CCDC146: variants seen among roughly 807,000 people sequenced by gnomAD.
CCDC146 encodes coiled-coil domain-containing protein 146.
In CCDC146, 92 loss-of-function variants were observed where a neutral mutation model predicts 119.3. That is an observed-to-expected ratio of 0.77 (90% CI 0.65 to 0.92). The LOEUF (loss-of-function observed/expected upper bound fraction) is 0.92, where lower values mean the gene tolerates loss of function less well. Ranked by LOEUF, CCDC146 falls within the 40% of genes least tolerant of loss-of-function variation. CCDC146 has a pLI of 0.00. For synonymous variants in CCDC146, 372 were observed against 371.8 expected (o/e 1.00, Z -0.01); for missense variants, 1,000 against 1,103.0 (o/e 0.91, Z 1.32).
At position 77,227,122 on chromosome 7, in the gene CCDC146, A is replaced by G. The variant is rs576708377; in HGVS notation, c.157-9825A>G. Among the ~76,000 whole-genome samples, 4 of 152,346 alleles carry G rather than the reference A, an allele frequency of 2.6e-5. No individual in the cohort carries two copies. The East Asian group carries it at 7.7e-4, about 29-fold the overall frequency. ...TCCAATTTATGTAGAAACTGCAAGA[A>G]CATATTCAGGTGTTTTACCCTGTCA... On this transcript the variant is annotated intron_variant, in intron 2 of 18. Coordinates refer to ENST00000285871, the MANE Select transcript of CCDC146 (RefSeq NM_020879.3).
At chr7:77,186,268 G>T (rs559881783) in intron 2 of CCDC146, among the ~76,000 whole-genome samples, 1 of 152,036 alleles carries the variant, frequency 6.6e-6, no homozygotes, top group Admixed American at 6.6e-5. Context: ...AATGAATAAA[G>T]AAAATGTAGT....
intron 1 of CCDC146, among the ~76,000 whole-genome samples, chr7:77,143,165 G>T (rs1212800703): frequency 6.6e-6 from 1 of 151,874 alleles, no homozygotes; most frequent in Non-Finnish European, 1.5e-5. Context: ...CTGATGGCCA[G>T]TGATGAAGAG....
intron 1 of CCDC146, among the ~76,000 whole-genome samples, chr7:77,152,327 C>A (rs1791119087): frequency 6.6e-6 from 1 of 152,056 alleles, no homozygotes; most frequent in South Asian, 2.1e-4. Flanking sequence ...GAGCCATTAC[C>A]TTCAAAGGAA....
In CCDC146 at chr7:77,295,137, C is replaced by T. The variant is rs1133058; in HGVS notation, c.*271C>T. 28,664 of 319,248 alleles carry T rather than the reference C, an allele frequency of 0.09. 1,629 individuals carry two copies. The highest frequency in any genetic ancestry group is 0.11 in the Non-Finnish European group (19,239 of 172,170). The allele number at this position is 319,248 out of a possible 1,614,324, so 19.8% of individuals were successfully genotyped here. A position where few individuals can be genotyped will look rare whatever the true frequency, so the allele number is the denominator to read the frequency against. ...TCTTTTTCACTCTTTATATTGAGTACATTCCAGAAATTTGTAGTAGGCAAG... is the reference window on the plus strand; with the variant it reads ...TCTTTTTCACTCTTTATATTGAGTATATTCCAGAAATTTGTAGTAGGCAAG... On this transcript the variant is annotated 3_prime_UTR_variant, in exon 19 of 19. Coordinates refer to ENST00000285871, the MANE Select transcript of CCDC146 (RefSeq NM_020879.3).
At chr7:77,199,861 C>CT (rs1791954099) in intron 2 of CCDC146, 1 of 1,522,754 alleles carries the variant, frequency 6.6e-7, no homozygotes, top group African/African-American at 1.4e-5. Flanking sequence ...CGGCAGCTGC[C>CT]TGAGTCAGGC....
intron 2 of CCDC146, among the ~76,000 whole-genome samples, chr7:77,203,481 G>A (rs887456935): frequency 1.3e-5 from 2 of 152,060 alleles, no homozygotes; most frequent in African/African-American, 4.8e-5. Flanking sequence ...TCAAAAAGAT[G>A]GTCAAAGAAA....
intron 18 of CCDC146, 83 bp from the exon 19 acceptor site, chr7:77,294,580 C>A: frequency 7.4e-7 from 1 of 1,346,016 alleles, no homozygotes; most frequent in Non-Finnish European, 1.1e-6. Flanking sequence ...CTGTCCAGAC[C>A]AGCTGTGTCT....
chr7:77,212,788 GA>G (rs1416044729), intron 2 of CCDC146, among the ~76,000 whole-genome samples: 1 of 152,048 alleles, frequency 6.6e-6, no homozygotes, highest in Admixed American at 6.5e-5. Context: ...TACATGGCAA[GA>G]GGTAAGGTAA....
intron 2 of CCDC146, among the ~76,000 whole-genome samples, chr7:77,211,706 C>T (rs1792188158): frequency 6.6e-6 from 1 of 152,098 alleles, no homozygotes; most frequent in East Asian, 1.9e-4. Flanking sequence ...ACCTCCACCT[C>T]CTGGATTCAA....
At position 77,282,656 on chromosome 7, in the gene CCDC146, T is replaced by G. The variant is rs1793784832; in HGVS notation, c.2019T>G (p.His673Gln). The G allele has an allele frequency of 1.2e-6, 2 of 1,612,284 alleles. No homozygotes were observed. Among genetic ancestry groups the G allele is most frequent in the South Asian group, 2.2e-5 (2 of 91,048 alleles). ...KMKLNGEIEI[H>Q]LLEEKIQFLK... ...AACTAAATGGAGAAATTGAAATACATCTACTGGAAGAAAAGATCCAATTCC... is the reference window on the plus strand; with the variant it reads ...AACTAAATGGAGAAATTGAAATACAGCTACTGGAAGAAAAGATCCAATTCC... The change falls in exon 15 of 19, where the codon CAT becomes CAG. Residue 673 changes from histidine (H) to glutamine (Q), a missense_variant. By Grantham distance (24) the His-to-Gln change is conservative. Transcript: ENST00000285871.
At chr7:77,240,178 A>G (rs17161075) in intron 3 of CCDC146, among the ~76,000 whole-genome samples, 5,846 of 152,322 alleles carry the variant, frequency 0.038, 386 homozygotes, top group African/African-American at 0.13. Context: ...CGTATCATTT[A>G]TCCCCTTCTA....
intron 9 of CCDC146, among the ~76,000 whole-genome samples, chr7:77,267,939 A>T (rs148113285): frequency 3.3e-4 from 51 of 152,322 alleles, no homozygotes; most frequent in Admixed American, 1.2e-3. Flanking sequence ...ACAGGAATAC[A>T]TCAGCAGTTG....
At chr7:77,151,899 A>C (rs1562816790) in intron 1 of CCDC146, among the ~76,000 whole-genome samples, 1 of 152,056 alleles carries the variant, frequency 6.6e-6, no homozygotes, top group Non-Finnish European at 1.5e-5. Flanking sequence ...CTTTCATCCC[A>C]GTTTCAAGGA....
chr7:77,153,957 A>G (rs1423704765), intron 1 of CCDC146, among the ~76,000 whole-genome samples: 1 of 152,018 alleles, frequency 6.6e-6, no homozygotes, highest in Non-Finnish European at 1.5e-5. Flanking sequence ...ATCATAAACT[A>G]GAATACCATT....
At position 77,254,561 on chromosome 7, in the gene CCDC146, G is replaced by A. The variant is rs1334665727; in HGVS notation, c.505G>A (p.Gly169Arg). ...AGAATTTGAGAAGATAACAAAGCCA[G>A]GAGTAAGTCTTAGATGATATAGAGT... ...VKEFEKITKP[G>R]EMEKKMKILR... The change falls in exon 5 of 19, where the codon GGA becomes AGA. Residue 169 changes from glycine to arginine, a missense_variant and splice_region_variant. This residue lies in a region of CCDC146 where 985 missense variants were observed against 1,045.3 expected (regional missense o/e 0.94). Transcript: ENST00000285871. 2.6e-6 allele frequency: 4 copies of A among 1,511,632 alleles called. No individual in the cohort carries two copies. Among genetic ancestry groups the A allele is most frequent in the South Asian group, 1.2e-5 (1 of 86,882 alleles). The allele number at this position is 1,511,632 out of a possible 1,614,324, so 93.6% of individuals were successfully genotyped here. A position where few individuals can be genotyped will look rare whatever the true frequency, so the allele number is the denominator to read the frequency against.
At position 77,280,865 on chromosome 7, in the gene CCDC146, G is replaced by A. The variant is rs62475051; in HGVS notation, c.1919+212G>A. On this transcript the variant is annotated intron_variant, in intron 14 of 18. Coordinates refer to ENST00000285871, the MANE Select transcript of CCDC146 (RefSeq NM_020879.3). The stretch of plus-strand genomic sequence containing the variant: ...TGGCATGATCCCAGCACTTTGGGAG[G>A]CCAAGGTGGGTGGATCACTTGAGCT... Among the ~76,000 whole-genome samples, 332 of 152,302 alleles carry A rather than the reference G, an allele frequency of 2.2e-3. 3 individuals are homozygous for A. The highest frequency in any genetic ancestry group is 7.5e-3 in the African/African-American group (311 of 41,568).
At chr7:77,209,499 G>A (rs565902784) in intron 2 of CCDC146, among the ~76,000 whole-genome samples, 1 of 152,338 alleles carries the variant, frequency 6.6e-6, no homozygotes, top group Admixed American at 6.5e-5. Flanking sequence ...GGCGTTTCCA[G>A]GTGCACGGTG....
intron 2 of CCDC146, among the ~76,000 whole-genome samples, chr7:77,225,785 A>T (rs1050069417): frequency 2.6e-5 from 4 of 152,134 alleles, no homozygotes; most frequent in African/African-American, 9.6e-5. Flanking sequence ...TCTACTAAAT[A>T]TACAAAAATT....
At chr7:77,147,316 C>CT (rs896049678) in intron 1 of CCDC146, among the ~76,000 whole-genome samples, 8 of 152,158 alleles carry the variant, frequency 5.3e-5, no homozygotes, top group Non-Finnish European at 1.2e-4. Context: ...TTCGTCTAAT[C>CT]TTTTTTCAAG....
Sources: allele counts gnomAD v4.1 joint callset (sites outside exome capture counted in the v4.1 genomes callset), GRCh38; gene constraint gnomAD v4.1.1; regional missense constraint gnomAD v4.1.1; transcripts MANE v1.5; gene names NCBI Gene and HGNC (gene_info 2026-07-23, HGNC 2026-07-21).